Variants in FHAD1 observed in about 807,000 individuals in gnomAD.
The protein encoded by FHAD1 is forkhead-associated domain-containing protein 1.
In FHAD1, 146 loss-of-function variants were observed where a neutral mutation model predicts 191.3. The ratio of observed to expected loss-of-function variants is 0.76; its 90% CI spans 0.67 to 0.88. FHAD1 has a LOEUF of 0.88. Among genes scored for constraint, FHAD1 ranks in the 40% least tolerant of loss-of-function variants. FHAD1 has a pLI of 0.00. For synonymous variants in FHAD1, 616 were observed against 672.3 expected (o/e 0.92, Z 1.29); for missense variants, 1,635 against 1,785.8 (o/e 0.92, Z 1.52).
At chr1:15,295,176 C>T (rs1210798299) in intron 4 of FHAD1, among the ~76,000 whole-genome samples, 1 of 152,206 alleles carries the variant, frequency 6.6e-6, no homozygotes, top group Non-Finnish European at 1.5e-5. Context: ...CTATCACTCA[C>T]CAGCTGTGGG....
chr1:15,383,444 A>G (rs770467735), intron 31 of FHAD1: 4 of 349,644 alleles, frequency 1.1e-5, no homozygotes, highest in Non-Finnish European at 2.3e-5. Context: ...CACACTGGAA[A>G]GTTTCCCCAA....
chr1:15,267,112 A>AG (rs1160455212), intron 2 of FHAD1, among the ~76,000 whole-genome samples: 6 of 152,260 alleles, frequency 3.9e-5, no homozygotes, highest in African/African-American at 1.4e-4. Flanking sequence ...AGATCTGAAC[A>AG]GATACTTTGC....
intron 27 of FHAD1, among the ~76,000 whole-genome samples, chr1:15,374,844 G>A (rs924483381): frequency 9.2e-5 from 13 of 141,228 alleles, no homozygotes; most frequent in African/African-American, 3.8e-4. Flanking sequence ...ACTCACTATT[G>A]TACGTTTTTT....
intron 18 of FHAD1, among the ~76,000 whole-genome samples, chr1:15,348,607 G>A (rs1267133993): frequency 1.3e-5 from 2 of 152,146 alleles, no homozygotes; most frequent in Admixed American, 1.3e-4. Flanking sequence ...TTCTGTTGGA[G>A]AGACTTATTT....
At chr1:15,351,267 C>T (rs977113722) in intron 19 of FHAD1, among the ~76,000 whole-genome samples, 3 of 152,156 alleles carry the variant, frequency 2.0e-5, no homozygotes, top group Non-Finnish European at 2.9e-5. Flanking sequence ...ATCTCTTGAA[C>T]CTGGGAGGTG....
chr1:15,372,854 T>G (rs1358382090), intron 26 of FHAD1, among the ~76,000 whole-genome samples: 1 of 152,188 alleles, frequency 6.6e-6, no homozygotes, highest in African/African-American at 2.4e-5. Context: ...CCACCCTGTT[T>G]CCCCACTTAA....
chr1:15,237,760 G>C (rs1370497578), intron 1 of FHAD1, among the ~76,000 whole-genome samples: 1 of 151,050 alleles, frequency 6.6e-6, no homozygotes, highest in Non-Finnish European at 1.5e-5. Flanking sequence ...GAAAAGAACA[G>C]TTGTTCTCGA....
chr1:15,317,120 G>A (rs550254615), intron 9 of FHAD1, among the ~76,000 whole-genome samples: 1 of 152,292 alleles, frequency 6.6e-6, no homozygotes, highest in Non-Finnish European at 1.5e-5. Flanking sequence ...AAACCCGGGA[G>A]GCAGAGGTTG....
intron 4 of FHAD1, among the ~76,000 whole-genome samples, chr1:15,294,254 C>G (rs1278974547): frequency 2.6e-5 from 4 of 152,066 alleles, no homozygotes; most frequent in Non-Finnish European, 5.9e-5. Flanking sequence ...AATGGTTTTG[C>G]CTTTAGACCA....
At chr1:15,309,058 C>A (rs2101063081) in intron 7 of FHAD1, among the ~76,000 whole-genome samples, 1 of 152,354 alleles carries the variant, frequency 6.6e-6, no homozygotes, top group Non-Finnish European at 1.5e-5. Flanking sequence ...GCAGCTCAGG[C>A]AGTCCCATGA....
At chr1:15,328,256 C>CTTTTTTTT in intron 12 of FHAD1, 21 bp from the exon 13 acceptor site, 2 of 799,380 alleles carry the variant, frequency 2.5e-6, no homozygotes, top group South Asian at 3.3e-5. Context: ...TTTTTTTTTT[C>CTTTTTTTT]CTTTTTCTTT....
intron 1 of FHAD1, among the ~76,000 whole-genome samples, chr1:15,250,782 C>T (rs1780605): frequency 0.29 from 44,242 of 150,986 alleles, 7,485 homozygotes; most frequent in Non-Finnish European, 0.39. Context: ...AAGACTGCAG[C>T]GAGCTATGAT....
At chr1:15,362,594 G>A in intron 22 of FHAD1, 48 bp from the exon 23 acceptor site, 1 of 1,456,720 alleles carries the variant, frequency 6.9e-7, no homozygotes. Flanking sequence ...GTAAGCAAAG[G>A]GGAAGGACAG....
intron 1 of FHAD1, among the ~76,000 whole-genome samples, chr1:15,249,742 C>T (rs1318541519): frequency 1.3e-5 from 2 of 152,016 alleles, no homozygotes; most frequent in African/African-American, 4.8e-5. Flanking sequence ...CAGTGACAAC[C>T]CCACTATCCC....
At chr1:15,294,141 T>G (rs35622037) in intron 4 of FHAD1, among the ~76,000 whole-genome samples, 8,665 of 152,252 alleles carry the variant, frequency 0.057, 518 homozygotes, top group African/African-American at 0.15. Context: ...GGAGAACACT[T>G]CCGGCTCCAG....
chr1:15,332,490 T>G (rs1419916960), intron 14 of FHAD1, among the ~76,000 whole-genome samples: 1 of 152,116 alleles, frequency 6.6e-6, no homozygotes, highest in Non-Finnish European at 1.5e-5. Context: ...GGAGGATCAT[T>G]TAAGGCTTGA....
intron 6 of FHAD1, among the ~76,000 whole-genome samples, chr1:15,307,880 G>A (rs555237746): frequency 2.8e-4 from 42 of 151,952 alleles, no homozygotes; most frequent in Non-Finnish European, 5.4e-4. Context: ...ACAGGTGCCC[G>A]CCACCACACC....
chr1:15,269,107 C>G (rs530912750), intron 2 of FHAD1, among the ~76,000 whole-genome samples: 3 of 151,900 alleles, frequency 2.0e-5, no homozygotes, highest in Admixed American at 6.6e-5. Flanking sequence ...TTCTATTGAT[C>G]TTTCCAAAGA....
In FHAD1 at chr1:15,329,875, C is replaced by T. The variant is rs1558130936; in HGVS notation, c.1906+334C>T. On this transcript the variant is annotated intron_variant, in intron 14 of 33. Transcript: ENST00000688493. This position sits in a 1 kb window ranked among gnomAD's most constrained non-coding sequence, Gnocchi z 5.0. ...GCGTGATTCCAGGCAAGTGACTTACCCTGTCTATGCCTCAGTTTCCCTATC... is the reference window on the plus strand; with the variant it reads ...GCGTGATTCCAGGCAAGTGACTTACTCTGTCTATGCCTCAGTTTCCCTATC... 2 of 293,078 alleles carry T rather than the reference C, an allele frequency of 6.8e-6. No homozygotes were observed. The highest frequency in any genetic ancestry group is 1.3e-5 in the Non-Finnish European group (2 of 150,990). The allele number at this position is 293,078 out of a possible 1,614,324, so 18.2% of individuals were successfully genotyped here.
Sources: gnomAD v4.1 joint callset for allele counts (sites outside exome capture counted in the v4.1 genomes callset) on GRCh38, gnomAD v4.1.1 for gene constraint, Gnocchi (gnomAD v3.1) non-coding constraint, MANE v1.5 for transcripts, NCBI Gene and HGNC (gene_info 2026-07-23, HGNC 2026-07-21) for gene names.